Variants in TAF1L observed in about 807,000 individuals in gnomAD.
TAF1L encodes the protein TATA-box binding protein associated factor 1 like.
Under a neutral mutation model 128.8 loss-of-function variants are expected in TAF1L, and 30 were observed. The observed-to-expected ratio is 0.23, with a 90% CI of 0.17 to 0.32. The LOEUF is 0.32. TAF1L is among the 10% of genes least tolerant of loss of function. The pLI, the probability that TAF1L is intolerant of heterozygous loss-of-function variation, is 1.00. For synonymous variants in TAF1L, 764 were observed against 790.7 expected, an observed-to-expected ratio of 0.97 and a Z score of 0.57; for missense variants, 2,099 against 2,253.7, an observed-to-expected ratio of 0.93 and a Z score of 1.39.
rs528226300 is a variant in TAF1L at position 32,634,568 on chromosome 9, A to C, written c.1012T>G (p.Ser338Ala). ...DEITMMVPVE[S>A]KFSQSTGDVD... ...TCTCCAGTTGATTGGGAAAATTTGG[A>C]CTCCACAGGAACCATCATCGTGATT... The change falls in exon 1 of 1, where the codon TCC (serine) becomes GCC (alanine). Residue 338 changes from serine (S) to alanine (A), a missense_variant. Coordinates refer to ENST00000242310, the MANE Select transcript of TAF1L (RefSeq NM_153809.2). The C allele has an allele frequency of 6.2e-7, 1 of 1,613,802 alleles. No individual in the cohort carries two copies. Among genetic ancestry groups the C allele is most frequent in the Non-Finnish European group, 8.5e-7 (1 of 1,179,956 alleles).
Position 32,631,680 on chromosome 9 carries a change from G to C in TAF1L, c.3900C>G (p.Leu1300=), listed in dbSNP as rs762609387. Residue 1300 remains leucine (L), a synonymous_variant, in exon 1 of 1, where the codon CTC becomes CTG. Transcript: ENST00000242310. The surrounding 1 kb of genome is among the most constrained non-coding windows in gnomAD (Gnocchi z 4.1). ...GHMRTNKFCP[L]YYQTNVPPSK... is the part of the protein sequence containing the mutation. Reference sequence around the variant, plus strand: ...AAGGTGGCACATTTGTTTGATAATAGAGGGGGCAGAATTTGTTAGTCCTCA... The same window carrying C: ...AAGGTGGCACATTTGTTTGATAATACAGGGGGCAGAATTTGTTAGTCCTCA... 8.1e-6 allele frequency: 13 copies of C among 1,614,014 alleles called. No homozygotes were observed. The African/African-American group carries it at 1.5e-4, about 18-fold the overall frequency.
Position 32,631,962 on chromosome 9 carries a change from T to G in TAF1L, c.3618A>C (p.Lys1206Asn), listed in dbSNP as rs1478969434. The G allele has an allele frequency of 6.2e-7, 1 of 1,614,078 alleles. No homozygotes were observed. Among genetic ancestry groups the G allele is most frequent in the Non-Finnish European group, 8.5e-7 (1 of 1,180,034 alleles). ...KEYVRCETVR[K>N]PAVIDAYVRI... Reference sequence around the variant, plus strand: ...GCACATAGGCATCAATGACAGCTGGTTTTCGGACTGTCTCACAGCGAACAT... The same window carrying G: ...GCACATAGGCATCAATGACAGCTGGGTTTCGGACTGTCTCACAGCGAACAT... The change falls in exon 1 of 1, where the codon AAA (lysine) becomes AAC (asparagine). Residue 1206 changes from lysine to asparagine, a missense_variant. Around this residue, in one of 4 missense-constraint regions of TAF1L, gnomAD observed 1,213 missense variants for 1,391.4 expected, o/e 0.87. Transcript: ENST00000242310. This position sits in a 1 kb window ranked among gnomAD's most constrained non-coding sequence, Gnocchi z 4.1.
chr9:32,633,828 C>A lies in TAF1L; in HGVS notation c.1752G>T (p.Trp584Cys). 17 of 1,614,216 alleles carry A rather than the reference C, an allele frequency of 1.1e-5. No individual in the cohort carries two copies. The highest frequency in any genetic ancestry group is 1.4e-5 in the Non-Finnish European group (17 of 1,180,048). ...AATAATACTCATCATTGGAGAGATTCCATGGATCTTTCACTTCTGGCTGAG... is the reference window on the plus strand; with the variant it reads ...AATAATACTCATCATTGGAGAGATTACATGGATCTTTCACTTCTGGCTGAG... ...NMSQPEVKDPWNLSNDEYYFP... is the reference protein window; with the variant it reads ...NMSQPEVKDPCNLSNDEYYFP... Residue 584 changes from tryptophan (W) to cysteine (C), a missense_variant, in exon 1 of 1, where the codon TGG (tryptophan) becomes TGT (cysteine). Physicochemically the swap from Trp to Cys is radical, Grantham distance 215. Coordinates refer to ENST00000242310, the MANE Select transcript of TAF1L (RefSeq NM_153809.2).
chr9:32,633,885 A>G lies in TAF1L; in HGVS notation c.1695T>C (p.Gly565=), dbSNP rs770181109. 4 of 1,613,902 alleles carry G rather than the reference A, an allele frequency of 2.5e-6. No individual in the cohort carries two copies. Among genetic ancestry groups the G allele is most frequent in the Non-Finnish European group, 3.4e-6 (4 of 1,180,002 alleles). ...KKSRILLGKT[G]VIREEPQQNM... ...TCTGCTGTGGTTCCTCCCTGATGAC[A>G]CCTGTTTTGCCCAAGAGAATTCGAC... Residue 565 remains glycine (G), a synonymous_variant, in exon 1 of 1, where the codon GGT becomes GGC. Coordinates refer to ENST00000242310, the MANE Select transcript of TAF1L (RefSeq NM_153809.2).
In TAF1L at chr9:32,633,091, A is replaced by G; in HGVS notation, c.2489T>C (p.Ile830Thr). The stretch of plus-strand genomic sequence containing the variant: ...TTTACTCTTCCAGAAAAGGCGGTAA[A>G]TAAAAACCTGTAGAAAGTCTCGAAT... ...MHIRDFLQVFIYRLFWKSKDR... is the reference protein window; with the variant it reads ...MHIRDFLQVFTYRLFWKSKDR... The change falls in exon 1 of 1, where the codon ATT becomes ACT. Residue 830 changes from isoleucine to threonine, a missense_variant. Ile to Thr is a moderately conservative substitution (Grantham distance 89, BLOSUM62 -1). Around this residue, in one of 4 missense-constraint regions of TAF1L, gnomAD observed 1,213 missense variants for 1,391.4 expected, o/e 0.87. Transcript: ENST00000242310. 6.2e-7 allele frequency: 1 copy of G among 1,614,192 alleles called. No individual in the cohort carries two copies. Among genetic ancestry groups the G allele is most frequent in the East Asian group, 2.2e-5 (1 of 44,882 alleles).
Position 32,635,375 on chromosome 9 carries a change from C to A in TAF1L, c.205G>T (p.Gly69Trp), listed in dbSNP as rs779785875. 6.2e-7 allele frequency: 1 copy of A among 1,614,148 alleles called. No homozygotes were observed. The highest frequency in any genetic ancestry group is 8.5e-7 in the Non-Finnish European group (1 of 1,180,020). ...DECKKHLAGL[G>W]ALGLGSLITE... Reference sequence around the variant, plus strand: ...ATTAGGCTGCCCAGCCCCAAAGCCCCCAAGCCTGCCAAGTGCTTCTTACAC... The same window carrying A: ...ATTAGGCTGCCCAGCCCCAAAGCCCACAAGCCTGCCAAGTGCTTCTTACAC... Residue 69 changes from glycine to tryptophan, a missense_variant, in exon 1 of 1, where the codon GGG becomes TGG. Gly to Trp is a radical substitution (Grantham distance 184). Transcript: ENST00000242310.
rs761510720 is a variant in TAF1L, at chr9:32,630,642, C to T, written c.4938G>A (p.Glu1646=). 8.7e-6 allele frequency: 14 copies of T among 1,614,046 alleles called. No homozygotes were observed. Among genetic ancestry groups the T allele is most frequent in the Non-Finnish European group, 1.2e-5 (14 of 1,180,046 alleles). The change falls in exon 1 of 1, where the codon GAG becomes GAA. Residue 1646 remains glutamate, a synonymous_variant. Coordinates refer to ENST00000242310, the MANE Select transcript of TAF1L (RefSeq NM_153809.2). ...GGTCCAGGCTTTCTAATTCTGCTTC[C>T]TCCAAAGCTGCTTCTTTAGCTGTAC... is the stretch of plus-strand genomic sequence containing the variant. ...DICTAKEAAL[E]EAELESLDPM...
Position 32,631,049 on chromosome 9 carries a change from C to T in TAF1L, c.4531G>A (p.Glu1511Lys). ...TCCAGCAAGGGGTTGATAGCTTTCT[C>T]TAAGCGAGCTAATTTGTCTTCTTTC... ...KEKEDKLARL[E>K]KAINPLLDDD... Residue 1511 changes from glutamate (E) to lysine (K), a missense_variant, in exon 1 of 1, where the codon GAG becomes AAG. Physicochemically the swap from Glu to Lys is moderately conservative, Grantham distance 56. Coordinates refer to ENST00000242310, the MANE Select transcript of TAF1L (RefSeq NM_153809.2). The surrounding 1 kb of genome is among the most constrained non-coding windows in gnomAD (Gnocchi z 4.1). The T allele has an allele frequency of 1.2e-6, 2 of 1,614,204 alleles. No individual in the cohort carries two copies. Among genetic ancestry groups the T allele is most frequent in the Non-Finnish European group, 1.7e-6 (2 of 1,180,048 alleles).
Position 32,635,285 on chromosome 9 carries a change from A to G in TAF1L, c.295T>C (p.Trp99Arg). Residue 99 changes from tryptophan to arginine, a missense_variant, in exon 1 of 1, where the codon TGG (tryptophan) becomes CGG (arginine). Physicochemically the swap from Trp to Arg is moderately radical, Grantham distance 101 (BLOSUM62 -3). Around this residue, in one of 4 missense-constraint regions of TAF1L, gnomAD observed 473 missense variants for 429.6 expected, o/e 1.10. Coordinates refer to ENST00000242310, the MANE Select transcript of TAF1L (RefSeq NM_153809.2). ...TGGALVNDEG[W>R]IRSTEDAVDY... ...ACAGCATCTTCTGTACTCCTAATCCACCCTTCATCATTTACCAAGGCACCG... is the reference window on the plus strand; with the variant it reads ...ACAGCATCTTCTGTACTCCTAATCCGCCCTTCATCATTTACCAAGGCACCG... The G allele has an allele frequency of 1.2e-6, 2 of 1,613,216 alleles. No homozygotes were observed. Among genetic ancestry groups the G allele is most frequent in the South Asian group, 1.1e-5 (1 of 91,060 alleles).
Position 32,635,551 on chromosome 9 carries a change from C to T in TAF1L, c.29G>A (p.Arg10Lys). The T allele has an allele frequency of 6.2e-7, 1 of 1,613,918 alleles. No individual in the cohort carries two copies. Among genetic ancestry groups the T allele is most frequent in the Non-Finnish European group, 8.5e-7 (1 of 1,179,916 alleles). MRPGCDLLL[R>K]AAATVTAAIM... ...GGCGGCAGTGACGGTAGCTGCTGCC[C>T]TCAGCAGCAAATCGCAGCCGGGTCG... The change falls in exon 1 of 1, where the codon AGG (arginine) becomes AAG (lysine). Residue 10 changes from arginine to lysine, a missense_variant. Arg to Lys is a conservative substitution (Grantham distance 26). This residue lies in a region of TAF1L where 473 missense variants were observed against 429.6 expected (regional missense o/e 1.10). Coordinates refer to ENST00000242310, the MANE Select transcript of TAF1L (RefSeq NM_153809.2).
chr9:32,634,417 C>T lies in TAF1L; in HGVS notation c.1163G>A (p.Arg388Lys). The T allele has an allele frequency of 1.2e-6, 2 of 1,614,224 alleles. No homozygotes were observed. The highest frequency in any genetic ancestry group is 8.5e-7 in the Non-Finnish European group (1 of 1,180,040). ...GSGFDYGFKL[R>K]KTQHEPVIKS... ...TATCACAGGTTCATGTTGTGTCTTT[C>T]TCAGTTTGAAGCCATAGTCAAACCC... The change falls in exon 1 of 1, where the codon AGA becomes AAA. Residue 388 changes from arginine to lysine, a missense_variant. Physicochemically the swap from Arg to Lys is conservative, Grantham distance 26 (BLOSUM62 2). Transcript: ENST00000242310.
At position 32,631,525 on chromosome 9, in the gene TAF1L, A is replaced by T; in HGVS notation, c.4055T>A (p.Val1352Glu). 1 of 1,614,212 alleles carries T rather than the reference A, an allele frequency of 6.2e-7. No homozygotes were observed. The highest frequency in any genetic ancestry group is 8.5e-7 in the Non-Finnish European group (1 of 1,180,044). ...IVFGKQLIEN[V>E]HEVRRKSLVL... ...CAGAGATTTTCTGCGAACCTCATGC[A>T]CATTCTCAATTAGCTGTTTCCCGAA... Residue 1352 changes from valine to glutamate, a missense_variant, in exon 1 of 1, where the codon GTG becomes GAG. Transcript: ENST00000242310. The surrounding 1 kb of genome is among the most constrained non-coding windows in gnomAD (Gnocchi z 4.1).
chr9:32,635,651 A>G lies in TAF1L; in HGVS notation c.-72T>C. On this transcript the variant is annotated 5_prime_UTR_variant, in exon 1 of 1. Coordinates refer to ENST00000242310, the MANE Select transcript of TAF1L (RefSeq NM_153809.2). Reference sequence around the variant, plus strand: ...CCCTTACCCTACCAGCGTCTACCGGAAGCTGAATAAAGGCGGGGGGAGGGG... The same window carrying G: ...CCCTTACCCTACCAGCGTCTACCGGGAGCTGAATAAAGGCGGGGGGAGGGG... The G allele has an allele frequency of 7.6e-7, 1 of 1,307,906 alleles. No individual in the cohort carries two copies. Among genetic ancestry groups the G allele is most frequent in the South Asian group, 1.4e-5 (1 of 69,944 alleles). The allele number at this position is 1,307,906 out of a possible 1,614,324, so 81.0% of individuals were successfully genotyped here. A position where few individuals can be genotyped will look rare whatever the true frequency, so the allele number is the denominator to read the frequency against.
Position 32,632,873 on chromosome 9 carries a change from G to A in TAF1L, c.2707C>T (p.Gln903Ter). ...EEIRAKVSPE[Q>*]CCAYYSMIAA... ...ATCATGCTATAATAAGCACAGCACT[G>A]CTCTGGTGACACCTTAGCTCTGATC... The change falls in exon 1 of 1, where the codon CAG (glutamine) becomes TAG (stop). Residue 903 changes from glutamine (Q) to a stop codon, truncating the protein, a stop_gained. Coordinates refer to ENST00000242310, the MANE Select transcript of TAF1L (RefSeq NM_153809.2). LOFTEE classifies it high-confidence loss of function. This position sits in a 1 kb window ranked among gnomAD's most constrained non-coding sequence, Gnocchi z 4.4. The A allele has an allele frequency of 6.2e-7, 1 of 1,614,216 alleles. No homozygotes were observed. Among genetic ancestry groups the A allele is most frequent in the South Asian group, 1.1e-5 (1 of 91,086 alleles).
At position 32,632,977 on chromosome 9, in the gene TAF1L, C is replaced by A; in HGVS notation, c.2603G>T (p.Cys868Phe). 6.2e-7 allele frequency: 1 copy of A among 1,614,202 alleles called. No individual in the cohort carries two copies. ...ESSIRKRLKL[C>F]ADFKRTGMDS... ...CATCCCTGTGCGTTTGAAGTCAGCG[C>A]AGAGCTTTAGCCTCTTCCGGATGCT... The change falls in exon 1 of 1, where the codon TGC (cysteine) becomes TTC (phenylalanine). Residue 868 changes from cysteine to phenylalanine, a missense_variant. By Grantham distance (205) the Cys-to-Phe change is radical. Around this residue, in one of 4 missense-constraint regions of TAF1L, gnomAD observed 1,213 missense variants for 1,391.4 expected, o/e 0.87. Transcript: ENST00000242310. The surrounding 1 kb of genome is among the most constrained non-coding windows in gnomAD (Gnocchi z 4.4).
In TAF1L at chr9:32,630,130, G is replaced by C; in HGVS notation, c.5450C>G (p.Ser1817Ter). The change falls in exon 1 of 1, where the codon TCA (serine) becomes TGA (stop). Residue 1817 changes from serine to a stop codon, truncating the protein, a stop_gained. Transcript: ENST00000242310. LOFTEE classifies it high-confidence loss of function. The part of the protein sequence containing the change: ...PKQPFMLQHA[S>*]GEHKDGHGK ...TCCGTGCCCATCCTTGTGTTCTCCT[G>C]AAGCATGCTGAAGCATGAAGGGTTG... is the stretch of plus-strand genomic sequence containing the variant. 1 of 1,614,154 alleles carries C rather than the reference G, an allele frequency of 6.2e-7. No individual in the cohort carries two copies. Among genetic ancestry groups the C allele is most frequent in the Non-Finnish European group, 8.5e-7 (1 of 1,180,038 alleles).
At position 32,633,753 on chromosome 9, in the gene TAF1L, C is replaced by T. The variant is rs746093711; in HGVS notation, c.1827G>A (p.Gln609=). The T allele has an allele frequency of 3.1e-6, 5 of 1,614,176 alleles. No individual in the cohort carries two copies. The South Asian group carries it at 5.5e-5, about 18-fold the overall frequency. Residue 609 remains glutamine (Q), a synonymous_variant, in exon 1 of 1, where the codon CAG becomes CAA. Coordinates refer to ENST00000242310, the MANE Select transcript of TAF1L (RefSeq NM_153809.2). The part of the protein sequence containing the change: ...LRGTFGGNII[Q]HSIPAMELWQ... ...ATAATTCCATAGCAGGAATTGAATG[C>T]TGGATAATATTCCCTCCAAAGGTGC...
rs1274084732 is a variant in TAF1L at position 32,631,484 on chromosome 9, T to C, written c.4096A>G (p.Lys1366Glu). 1.9e-6 allele frequency: 3 copies of C among 1,614,108 alleles called. No homozygotes were observed. Among genetic ancestry groups the C allele is most frequent in the African/African-American group, 2.7e-5 (2 of 74,924 alleles). ...TTCTTCTTTGGAGGAAGCTGCTGTT[T>C]AGGAAACTTGAGAACCAGAGATTTT... is the stretch of plus-strand genomic sequence containing the variant. ...RRKSLVLKFP[K>E]QQLPPKKKRR... The change falls in exon 1 of 1, where the codon AAA becomes GAA. Residue 1366 changes from lysine (K) to glutamate (E), a missense_variant. Physicochemically the swap from Lys to Glu is moderately conservative, Grantham distance 56 (BLOSUM62 1). This residue lies in a region of TAF1L where 1,213 missense variants were observed against 1,391.4 expected (regional missense o/e 0.87). Transcript: ENST00000242310. This position sits in a 1 kb window ranked among gnomAD's most constrained non-coding sequence, Gnocchi z 4.1.
In TAF1L at chr9:32,633,203, G is replaced by A. The variant is rs1299548601; in HGVS notation, c.2377C>T (p.Arg793Trp). The A allele has an allele frequency of 3.1e-6, 5 of 1,614,116 alleles. No individual in the cohort carries two copies. Among genetic ancestry groups the A allele is most frequent in the East Asian group, 2.2e-5 (1 of 44,884 alleles). ...ACCACAAAAATATCCACTAATTCCC[G>A]AATATAGTAACCCTGTCTTGTCCGA... ...IIRTRQGYYI[R>W]ELVDIFVVGQ... is the part of the protein sequence containing the mutation. Residue 793 changes from arginine to tryptophan, a missense_variant, in exon 1 of 1, where the codon CGG becomes TGG. By Grantham distance (101) the Arg-to-Trp change is moderately radical. Transcript: ENST00000242310.
Sources: gnomAD v4.1 joint callset for allele counts on GRCh38, gnomAD v4.1.1 for gene constraint, gnomAD v4.1.1 regional missense constraint, Gnocchi (gnomAD v3.1) non-coding constraint, MANE v1.5 for transcripts, NCBI Gene and HGNC (gene_info 2026-07-23, HGNC 2026-07-21) for gene names.